The following ANKAR variants were observed in gnomAD, a reference collection of about 807,000 sequenced individuals.
ANKAR encodes the protein ankyrin and armadillo repeat-containing protein.
ANKAR carries 136 observed loss-of-function variants against 146.2 expected under a neutral mutation model. That is an observed-to-expected ratio of 0.93 (90% confidence interval 0.81 to 1.07). The LOEUF (loss-of-function observed/expected upper bound fraction) is 1.07, where lower values mean the gene tolerates loss of function less well. ANKAR is among the 50% of genes least tolerant of loss of function. ANKAR has a pLI of 0.00. For missense variants in ANKAR, 1,567 were observed against 1,679.9 expected, an observed-to-expected ratio of 0.93 and a Z score of 1.18; for synonymous variants, 500 against 575.8, an observed-to-expected ratio of 0.87 and a Z score of 1.88.
In ANKAR at chr2:189,758,084, T is replaced by G. The variant is rs1225858325; in HGVS notation, c.*585-3014T>G. On this transcript the variant is annotated intron_variant and NMD_transcript_variant, in intron 18 of 18. Coordinates refer to the ANKAR transcript ENST00000441800. ...TAGTCAATGAGTTCTCATGAGATCT[T>G]GTTGTTTAAAAGTGTGGGCCGGGAG... 3.3e-5 allele frequency among the ~76,000 whole-genome samples: 5 copies of G among 152,164 alleles called. No homozygotes were observed. The East Asian group carries it at 9.7e-4, about 29-fold the overall frequency.
At chr2:189,715,345 T>G (rs2040305117) in intron 10 of ANKAR, among the ~76,000 whole-genome samples, 1 of 152,024 alleles carries the variant, frequency 6.6e-6, no homozygotes, top group African/African-American at 2.4e-5. Context: ...CTAGAAGAAA[T>G]GGATAAATTC....
At chr2:189,755,597 A>T (rs570672168) in intron 18 of ANKAR, 1 of 1,564,886 alleles carries the variant, frequency 6.4e-7, no homozygotes, top group African/African-American at 1.4e-5. Context: ...TAGTTTTAAG[A>T]TTGTAAAAAT....
intron 11 of ANKAR, 98 bp from the exon 12 acceptor site, chr2:189,720,521 C>T (rs566899944): frequency 2.2e-4 from 174 of 781,610 alleles, no homozygotes; most frequent in Non-Finnish European, 2.9e-4. Context: ...GCTGGGATTA[C>T]AGGCGTGAGC....
intron 7 of ANKAR, among the ~76,000 whole-genome samples, chr2:189,703,492 G>A (rs73048445): frequency 3.9e-5 from 6 of 152,160 alleles, no homozygotes; most frequent in Non-Finnish European, 7.3e-5. Context: ...AGAGAACCAG[G>A]TTTGGAGGGA....
chr2:189,710,312 G>A (rs780674137), intron 9 of ANKAR, among the ~76,000 whole-genome samples: 5 of 152,042 alleles, frequency 3.3e-5, no homozygotes, highest in Non-Finnish European at 5.9e-5. Flanking sequence ...TTTTATACTC[G>A]GGAAATGTAT....
intron 2 of ANKAR, among the ~76,000 whole-genome samples, chr2:189,682,633 C>G (rs1180267201): frequency 1.3e-5 from 2 of 152,142 alleles, no homozygotes; most frequent in Non-Finnish European, 2.9e-5. Flanking sequence ...AAAGAAGCAT[C>G]AGGTCAGAGG....
chr2:189,750,575 A>T, downstream of ANKAR: 1 of 1,530,992 alleles, frequency 6.5e-7, no homozygotes, highest in Non-Finnish European at 8.9e-7. Context: ...TGAACAGCAG[A>T]AATCATATCT....
intron 18 of ANKAR, chr2:189,755,157 A>T (rs532639931): frequency 1.3e-6 from 2 of 1,591,610 alleles, no homozygotes; most frequent in African/African-American, 2.7e-5. Context: ...GAATGGAGAA[A>T]TTAATTCTTA....
chr2:189,711,010 G>A (rs1205802917), intron 9 of ANKAR, 39 bp from the exon 10 acceptor site: 2 of 1,550,192 alleles, frequency 1.3e-6, no homozygotes, highest in South Asian at 1.1e-5. Context: ...TGCCTTTTGT[G>A]CAAATTACAG....
intron 2 of ANKAR, among the ~76,000 whole-genome samples, chr2:189,684,637 T>C (rs1368734794): frequency 2.6e-5 from 4 of 151,930 alleles, no homozygotes; most frequent in African/African-American, 9.7e-5. Flanking sequence ...GGTGGTTCGC[T>C]TTAGCTCAGG....
chr2:189,746,472 A>C lies in ANKAR; in HGVS notation c.4150A>C (p.Lys1384Gln), dbSNP rs1559154032. 3 of 1,613,938 alleles carry C rather than the reference A, an allele frequency of 1.9e-6. No individual in the cohort carries two copies. Among genetic ancestry groups the C allele is most frequent in the East Asian group, 4.5e-5 (2 of 44,836 alleles). ...TGTAACTAACTTCATGGGACTCTTCAAAGCAACAAAAAAGACCAAGGATTC... is the reference window on the plus strand; with the variant it reads ...TGTAACTAACTTCATGGGACTCTTCCAAGCAACAAAAAAGACCAAGGATTC... ...PPVTNFMGLF[K>Q]ATKKTKDSHN... The change falls in exon 23 of 23, where the codon AAA (lysine) becomes CAA (glutamine). Residue 1384 changes from lysine to glutamine, a missense_variant. Transcript: ENST00000684021.
intron 10 of ANKAR, 136 bp from the exon 11 acceptor site, chr2:189,719,436 A>G: frequency 1.5e-6 from 1 of 658,636 alleles, no homozygotes; most frequent in Non-Finnish European, 2.1e-6. Context: ...AATTTTATAA[A>G]TATTTTATAG....
Position 189,758,642 on chromosome 2 carries a change from C to A in ANKAR, c.*585-2456C>A, listed in dbSNP as rs369069381. 2.0e-5 allele frequency among the ~76,000 whole-genome samples: 3 copies of A among 152,172 alleles called. No homozygotes were observed. In the South Asian group the frequency reaches 6.2e-4, roughly 32 times the overall value. Reference sequence around the variant, plus strand: ...CTAACACAGGTTATAATATTCTTTCCATCTCCATTCACTGAAGGCCTAACG... The same window carrying A: ...CTAACACAGGTTATAATATTCTTTCAATCTCCATTCACTGAAGGCCTAACG... On this transcript the variant is annotated intron_variant and NMD_transcript_variant, in intron 18 of 18. Coordinates refer to the ANKAR transcript ENST00000441800.
downstream of ANKAR, chr2:189,761,285 C>T (rs2047031229): frequency 1.1e-6 from 1 of 884,196 alleles, no homozygotes; most frequent in Non-Finnish European, 1.7e-6. Flanking sequence ...TTGAGGTTTT[C>T]TATAGCAGTT....
downstream of ANKAR, chr2:189,761,728 T>C: frequency 7.1e-6 from 10 of 1,407,442 alleles, no homozygotes; most frequent in Non-Finnish European, 9.3e-6. Flanking sequence ...TTTCAATATA[T>C]AGTTTTACAG....
intron 5 of ANKAR, 25 bp downstream of exon 5, chr2:189,693,202 A>C (rs369053714): frequency 6.4e-6 from 9 of 1,411,216 alleles, no homozygotes; most frequent in East Asian, 4.7e-5. Context: ...CTAATTACTG[A>C]CATTAACTAC....
chr2:189,684,976 A>C (rs2035328360), intron 2 of ANKAR, among the ~76,000 whole-genome samples: 1 of 151,658 alleles, frequency 6.6e-6, no homozygotes, highest in Admixed American at 6.6e-5. Flanking sequence ...TATTCCTTCC[A>C]GCTAATTTAC....
chr2:189,696,028 G>A (rs2037148206), intron 6 of ANKAR, 122 bp from the exon 7 acceptor site: 1 of 815,452 alleles, frequency 1.2e-6, no homozygotes, highest in African/African-American at 1.7e-5. Context: ...TGGATCTTGT[G>A]AAAATTCTAC....
chr2:189,723,659 C>A (rs1296980026), intron 12 of ANKAR, among the ~76,000 whole-genome samples: 1 of 152,024 alleles, frequency 6.6e-6, no homozygotes, highest in Non-Finnish European at 1.5e-5. Flanking sequence ...AATTATGACC[C>A]CAAAAGTTGT....
Sources: allele counts gnomAD v4.1 joint callset (sites outside exome capture counted in the v4.1 genomes callset), GRCh38; gene constraint gnomAD v4.1.1; transcripts MANE v1.5; gene names NCBI Gene and HGNC (gene_info 2026-07-23, HGNC 2026-07-21).